The following GGT1 variants were observed in gnomAD, a reference collection of about 807,000 sequenced individuals.
GGT1 encodes gamma-glutamyltransferase 1.
In GGT1, 21 loss-of-function variants were observed where a neutral mutation model predicts 56.0. That is an observed-to-expected ratio of 0.38 (90% CI 0.27 to 0.54). GGT1 has a LOEUF of 0.54. Among genes scored for constraint, GGT1 ranks in the 20% least tolerant of loss-of-function variants. The pLI, the probability that GGT1 is intolerant of heterozygous loss-of-function variation, is 0.82. For synonymous variants in GGT1, 238 were observed against 342.6 expected, an observed-to-expected ratio of 0.69 and a Z score of 3.37; for missense variants, 466 against 787.0, an observed-to-expected ratio of 0.59 and a Z score of 4.88.
rs1212633286 is a variant in GGT1 at position 24,615,140 on chromosome 22, G to T, written c.382+13G>T. 6.3e-7 allele frequency: 1 copy of T among 1,597,010 alleles called. No homozygotes were observed. Among genetic ancestry groups the T allele is most frequent in the Non-Finnish European group, 8.6e-7 (1 of 1,166,492 alleles). On this transcript the variant is annotated intron_variant, in intron 7 of 15. Transcript: ENST00000400382. ...CAGTCCCAGAAGGGTAAGCCATGCG[G>T]CAGACTTGGGGCGTGGGTGCAGAGC...
chr22:24,621,600 G>A (rs190865144), intron 9 of GGT1, among the ~76,000 whole-genome samples: 1,976 of 151,320 alleles, frequency 0.013, 46 homozygotes, highest in African/African-American at 0.046. Context: ...GGTGATTAGC[G>A]TGTCGACCTT....
upstream of GGT1, chr22:24,590,025 G>A (rs1422033810): frequency 2.1e-6 from 3 of 1,450,566 alleles, no homozygotes; most frequent in African/African-American, 2.9e-5. Context: ...CCAGCCAGAT[G>A]CTGCTTATGC....
Position 24,620,429 on chromosome 22 carries a change from C to T in GGT1, c.484C>T (p.Gln162Ter). 6.2e-7 allele frequency: 1 copy of T among 1,611,562 alleles called. No individual in the cohort carries two copies. The highest frequency in any genetic ancestry group is 8.5e-7 in the Non-Finnish European group (1 of 1,179,714). ...GGCTCGCCTCTTCCAGCCCAGCATC[C>T]AGCTGGCCCGCCAGGGCTTCCCCGT... ...PWARLFQPSI[Q>*]LARQGFPVGK... Residue 162 changes from glutamine to a stop codon, truncating the protein, a stop_gained, in exon 8 of 16, where the codon CAG (glutamine) becomes TAG (stop). Coordinates refer to ENST00000400382, the MANE Select transcript of GGT1 (RefSeq NM_001288833.2). LOFTEE classifies it high-confidence loss of function. The surrounding 1 kb of genome is among the most constrained non-coding windows in gnomAD (Gnocchi z 5.6).
chr22:24,585,977 C>G, the GGT1 span: 2 of 1,610,362 alleles, frequency 1.2e-6, no homozygotes, highest in Non-Finnish European at 1.7e-6. Context: ...GGCCGCACTG[C>G]CCTCAGGCTC....
chr22:24,622,755 G>C (rs796570574), intron 9 of GGT1, among the ~76,000 whole-genome samples: 1 of 151,510 alleles, frequency 6.6e-6, no homozygotes, highest in South Asian at 2.1e-4. Context: ...AAAAAAAAAA[G>C]AAAAGAAAAC....
intron 7 of GGT1, among the ~76,000 whole-genome samples, chr22:24,616,870 A>G (rs1390935539): frequency 6.6e-6 from 1 of 151,978 alleles, no homozygotes; most frequent in Non-Finnish European, 1.5e-5. Flanking sequence ...TTTAATACTC[A>G]TTGAGAAACT....
intron 1 of GGT1, among the ~76,000 whole-genome samples, chr22:24,605,341 ATTATATATTATATAATATG>A (rs2046077257): frequency 3.6e-5 from 2 of 55,926 alleles, no homozygotes; most frequent in African/African-American, 1.0e-4. Context: ...TATAATATGT[ATTATATATTATATAATATG>A]TATTATATAT....
upstream of GGT1, chr22:24,592,861 G>T (rs1405551678): frequency 2.3e-6 from 3 of 1,280,674 alleles, no homozygotes; most frequent in East Asian, 3.2e-5. Context: ...TCCTTCTCTC[G>T]CCTGGCGCAG....
chr22:24,624,447 C>T (rs2047624217), intron 11 of GGT1: 1 of 982,210 alleles, frequency 1.0e-6, no homozygotes, highest in Non-Finnish European at 1.2e-6. Context: ...TACTTGGGTC[C>T]TTGGCATTCC....
chr22:24,604,889 C>T (rs1431603172), intron 1 of GGT1, among the ~76,000 whole-genome samples: 1 of 148,242 alleles, frequency 6.7e-6, no homozygotes, highest in Non-Finnish European at 1.5e-5. Context: ...AGCTGTGCCC[C>T]ATTGAAGGCA....
chr22:24,611,749 C>T (rs546357664), intron 5 of GGT1, among the ~76,000 whole-genome samples: 12 of 151,274 alleles, frequency 7.9e-5, no homozygotes, highest in East Asian at 5.9e-4. Flanking sequence ...GGATTACAGG[C>T]GTGCGCCACC....
upstream of GGT1, chr22:24,592,907 G>GCTCGCGGAGCGTGGACTGGAT (rs2045616412): frequency 1.6e-6 from 2 of 1,278,820 alleles, no homozygotes; most frequent in African/African-American, 3.1e-5. Context: ...TCCGGCCGCC[G>GCTCGCGGAGCGTGGACTGGAT]CTCGCGGAGC....
At chr22:24,599,599 G>A (rs1285315544), upstream of GGT1, among the ~76,000 whole-genome samples, 1 of 152,118 alleles carries the variant, frequency 6.6e-6, no homozygotes, top group East Asian at 1.9e-4. Context: ...TTATAGAGGT[G>A]GGAGCAGCTG....
chr22:24,586,301 TG>T, the GGT1 span: 2 of 1,614,010 alleles, frequency 1.2e-6, no homozygotes, highest in South Asian at 2.2e-5. Flanking sequence ...CACAGCACCA[TG>T]GCTGCTCAGG....
At position 24,605,438 on chromosome 22, in the gene GGT1, C is replaced by G. The variant is rs184624754; in HGVS notation, c.-429+1911C>G. On this transcript the variant is annotated intron_variant, in intron 1 of 15. Transcript: ENST00000400382. ...ATAATATGTATTATATATTATATAA[C>G]AATATATAATGTGTATTATATATAA... Among the ~76,000 whole-genome samples, 2 of 32,150 alleles carry G rather than the reference C, an allele frequency of 6.2e-5. 1 individual carries two copies. The highest frequency in any genetic ancestry group is 8.7e-5 in the Non-Finnish European group (2 of 22,936). The allele number at this position is 32,150 out of a possible 152,430, so 21.1% of individuals were successfully genotyped here.
chr22:24,605,795 T>A (rs2046196441), intron 1 of GGT1, among the ~76,000 whole-genome samples: 2 of 51,996 alleles, frequency 3.8e-5, no homozygotes, highest in Non-Finnish European at 5.5e-5. Context: ...TATTATATAA[T>A]ATATGATGTG....
chr22:24,585,046 C>T, the GGT1 span, among the ~76,000 whole-genome samples: 2 of 152,108 alleles, frequency 1.3e-5, no homozygotes, highest in African/African-American at 4.8e-5. Flanking sequence ...GACTCCCACA[C>T]GGGGACCCCC....
chr22:24,625,137 A>C (rs930222168), intron 11 of GGT1, among the ~76,000 whole-genome samples: 39 of 152,178 alleles, frequency 2.6e-4, no homozygotes, highest in African/African-American at 9.4e-4. Context: ...TTTCTGAGGG[A>C]TTCCACAGTA....
chr22:24,592,891 G>GCGCGCTCCGGCCGCCGCT (rs1369173154), upstream of GGT1: 100 of 1,281,102 alleles, frequency 7.8e-5, no homozygotes, highest in Middle Eastern at 3.0e-4. Context: ...CAGCTGCCGG[G>GCGCGCTCCGGCCGCCGCT]CGCGCTCCGG....
Sources: gnomAD v4.1 joint callset for allele counts (sites outside exome capture counted in the v4.1 genomes callset) on GRCh38, gnomAD v4.1.1 for gene constraint, Gnocchi (gnomAD v3.1) non-coding constraint, MANE v1.5 for transcripts, NCBI Gene and HGNC (gene_info 2026-07-23, HGNC 2026-07-21) for gene names.